Variants in GLRB observed in about 807,000 individuals in gnomAD.
GLRB encodes the protein glycine receptor subunit beta.
GLRB carries 33 observed loss-of-function variants against 54.2 expected under a neutral mutation model. The ratio of observed to expected loss-of-function variants is 0.61; its 90% CI spans 0.46 to 0.81. The LOEUF (loss-of-function observed/expected upper bound fraction) is 0.81. Among genes scored for constraint, GLRB ranks in the 40% least tolerant of loss-of-function variants. The pLI, the probability that GLRB is intolerant of heterozygous loss-of-function variation, is 0.00. For missense variants in GLRB, 572 were observed against 584.6 expected (o/e 0.98, Z 0.22); for synonymous variants, 209 against 208.2 (o/e 1.00, Z -0.03).
rs1737739914 is a variant in GLRB, at chr4:157,167,139, T to C, written c.1198-3293T>C. On this transcript the variant is annotated intron_variant, in intron 9 of 9. Coordinates refer to ENST00000264428, the MANE Select transcript of GLRB (RefSeq NM_000824.5). ...AATCTAGAGTACTCCTTTGTTATGA[T>C]AAGTAGCTTCAAAAGCATAATGAGT... Among the ~76,000 whole-genome samples the C allele has an allele frequency of 2.0e-5, 3 of 152,156 alleles. No homozygotes were observed. In the South Asian group the frequency reaches 6.2e-4, roughly 31 times the overall value.
At chr4:157,089,802 C>T (rs1406470903) in intron 2 of GLRB, among the ~76,000 whole-genome samples, 2 of 152,164 alleles carry the variant, frequency 1.3e-5, no homozygotes, top group African/African-American at 4.8e-5. Context: ...TTTTCAGCTT[C>T]CTACTGGACC....
intron 4 of GLRB, among the ~76,000 whole-genome samples, chr4:157,132,069 T>A (rs11932192): frequency 0.12 from 18,139 of 151,812 alleles, 2,625 homozygotes; most frequent in African/African-American, 0.35. Context: ...TGCGTTCGTT[T>A]TTGTCAGTGT....
At chr4:157,118,254 A>G (rs1425485407) in intron 2 of GLRB, among the ~76,000 whole-genome samples, 2 of 151,732 alleles carry the variant, frequency 1.3e-5, no homozygotes. Context: ...CAATAACAGC[A>G]GTCCTGAATT....
intron 6 of GLRB, among the ~76,000 whole-genome samples, chr4:157,137,127 T>C (rs572213431): frequency 6.6e-4 from 100 of 152,302 alleles, no homozygotes; most frequent in Middle Eastern, 3.4e-3. Flanking sequence ...TGTATACTTC[T>C]AACATTCCAG....
chr4:157,158,524 G>A (rs1219876532), intron 9 of GLRB, among the ~76,000 whole-genome samples: 1 of 152,132 alleles, frequency 6.6e-6, no homozygotes, highest in East Asian at 1.9e-4. Context: ...TGTAAGGAAG[G>A]GATCCAGTTT....
At chr4:157,121,223 T>C (rs543792718) in intron 3 of GLRB, among the ~76,000 whole-genome samples, 3 of 151,738 alleles carry the variant, frequency 2.0e-5, no homozygotes, top group Non-Finnish European at 4.4e-5. Flanking sequence ...GTCCACAACA[T>C]AGATTATTTT....
At chr4:157,096,501 T>G (rs903373804) in intron 2 of GLRB, among the ~76,000 whole-genome samples, 3 of 152,196 alleles carry the variant, frequency 2.0e-5, no homozygotes, top group African/African-American at 7.2e-5. Flanking sequence ...AAAGTTACAT[T>G]GGTTTCCAAA....
intron 2 of GLRB, among the ~76,000 whole-genome samples, chr4:157,114,260 A>G (rs1735523860): frequency 6.6e-6 from 1 of 151,532 alleles, no homozygotes; most frequent in South Asian, 2.1e-4. Context: ...GTTTGCTTCC[A>G]GTTAAGGCTG....
chr4:157,142,407 A>G (rs1736650975), intron 7 of GLRB, among the ~76,000 whole-genome samples: 1 of 152,150 alleles, frequency 6.6e-6, no homozygotes, highest in Admixed American at 6.6e-5. Context: ...GTCGAAAGCA[A>G]CTATTTTTGT....
chr4:157,111,834 A>G (rs1466625446), intron 2 of GLRB, among the ~76,000 whole-genome samples: 1 of 151,908 alleles, frequency 6.6e-6, no homozygotes, highest in Non-Finnish European at 1.5e-5. Context: ...CAACTGAAAA[A>G]AAGTTCTTTC....
chr4:157,084,318 C>A (rs1734330218), intron 2 of GLRB, among the ~76,000 whole-genome samples: 1 of 152,118 alleles, frequency 6.6e-6, no homozygotes, highest in Admixed American at 6.5e-5. Context: ...GTAAGTGAAA[C>A]TAATATGTTT....
At chr4:157,096,425 A>T (rs1394593182) in intron 2 of GLRB, among the ~76,000 whole-genome samples, 1 of 152,200 alleles carries the variant, frequency 6.6e-6, no homozygotes, top group African/African-American at 2.4e-5. Context: ...CAGTTTGGAT[A>T]AATGTTGTGG....
intron 2 of GLRB, among the ~76,000 whole-genome samples, chr4:157,113,549 G>A (rs1735497423): frequency 6.6e-6 from 1 of 151,902 alleles, no homozygotes; most frequent in African/African-American, 2.4e-5. Flanking sequence ...AATGAGATTT[G>A]CAAATTGCTG....
chr4:157,121,478 G>T (rs1192763030), intron 3 of GLRB, among the ~76,000 whole-genome samples: 9 of 136,996 alleles, frequency 6.6e-5, no homozygotes, highest in African/African-American at 2.2e-4. Context: ...TTTGCCTTTA[G>T]AAAAAAAAAA....
At chr4:157,163,106 A>T (rs1737574653) in intron 9 of GLRB, among the ~76,000 whole-genome samples, 4 of 152,132 alleles carry the variant, frequency 2.6e-5, no homozygotes, top group African/African-American at 9.7e-5. Context: ...GCAGTGAGCG[A>T]GGCTCCGTGG....
At chr4:157,121,084 TAG>T (rs970242994) in intron 3 of GLRB, among the ~76,000 whole-genome samples, 6 of 151,616 alleles carry the variant, frequency 4.0e-5, no homozygotes, top group African/African-American at 1.5e-4. Flanking sequence ...GATGTATATT[TAG>T]AGTCTTTCTT....
chr4:157,087,958 A>G (rs1734472502), intron 2 of GLRB, among the ~76,000 whole-genome samples: 1 of 152,142 alleles, frequency 6.6e-6, no homozygotes, highest in Non-Finnish European at 1.5e-5. Flanking sequence ...TGGGTATTTT[A>G]TGGAAGTTTA....
intron 2 of GLRB, among the ~76,000 whole-genome samples, chr4:157,100,469 C>T (rs1734978251): frequency 6.6e-6 from 1 of 152,152 alleles, no homozygotes; most frequent in Non-Finnish European, 1.5e-5. Context: ...GCCAGTAACA[C>T]ACTCCCCTAT....
intron 9 of GLRB, among the ~76,000 whole-genome samples, chr4:157,166,507 A>G (rs1737714372): frequency 6.6e-6 from 1 of 152,102 alleles, no homozygotes; most frequent in South Asian, 2.1e-4. Context: ...CTAGCCAACT[A>G]CTTAATGAAC....
Sources: allele counts gnomAD v4.1 joint callset (sites outside exome capture counted in the v4.1 genomes callset), GRCh38; gene constraint gnomAD v4.1.1; transcripts MANE v1.5; gene names NCBI Gene and HGNC (gene_info 2026-07-23, HGNC 2026-07-21).